The following RXFP1 variants were observed in gnomAD, a reference collection of about 807,000 sequenced individuals.
The protein encoded by RXFP1 is relaxin receptor 1.
A neutral mutation model predicts 89.8 loss-of-function variants in RXFP1; 73 were observed. The ratio of observed to expected loss-of-function variants is 0.81; its 90% CI spans 0.67 to 0.99. The LOEUF (loss-of-function observed/expected upper bound fraction) is 0.99, where lower values mean the gene tolerates loss of function less well. RXFP1 is among the 50% of genes least tolerant of loss of function. RXFP1 has a pLI of 0.00. For synonymous variants in RXFP1, 277 were observed against 305.5 expected, an observed-to-expected ratio of 0.91 and a Z score of 0.97; for missense variants, 793 against 895.5, an observed-to-expected ratio of 0.89 and a Z score of 1.46.
intron 1 of RXFP1, among the ~76,000 whole-genome samples, chr4:158,541,227 A>G (rs1438772765): frequency 6.6e-6 from 1 of 152,174 alleles, no homozygotes; most frequent in Admixed American, 6.5e-5. Context: ...TAAAGATGGA[A>G]GAAAAAATCA....
At chr4:158,580,940 G>GCTAC (rs1757233668) in intron 2 of RXFP1, among the ~76,000 whole-genome samples, 9 of 152,054 alleles carry the variant, frequency 5.9e-5, no homozygotes, top group Admixed American at 4.6e-4. Flanking sequence ...TGGTATTACA[G>GCTAC]GCACCTGCCA....
intron 1 of RXFP1, among the ~76,000 whole-genome samples, chr4:158,524,081 C>T (rs984025296): frequency 3.3e-5 from 5 of 152,180 alleles, no homozygotes; most frequent in African/African-American, 1.2e-4. Context: ...ACCCTGTCTA[C>T]CTTTCAGAAA....
chr4:158,530,966 T>C (rs9307978), intron 1 of RXFP1, among the ~76,000 whole-genome samples: 139,128 of 152,214 alleles, frequency 0.91, 64,857 homozygotes, highest in East Asian at 1. Flanking sequence ...TTTCAAAGTT[T>C]CTATGCTAGT....
At chr4:158,577,347 T>C (rs913216825) in intron 2 of RXFP1, among the ~76,000 whole-genome samples, 4 of 152,146 alleles carry the variant, frequency 2.6e-5, no homozygotes, top group Non-Finnish European at 5.9e-5. Flanking sequence ...CGGCTGTTCA[T>C]TTTTAAAACA....
chr4:158,581,623 C>A (rs1005577899), intron 2 of RXFP1, among the ~76,000 whole-genome samples: 6 of 152,074 alleles, frequency 3.9e-5, no homozygotes, highest in African/African-American at 1.4e-4. Context: ...ATTTTTATAG[C>A]AGTTTCCATT....
intron 4 of RXFP1, among the ~76,000 whole-genome samples, chr4:158,601,431 C>T (rs544133976): frequency 3.2e-4 from 48 of 152,256 alleles, no homozygotes; most frequent in Admixed American, 5.9e-4. Flanking sequence ...TGGAAATCTT[C>T]AACAGGCATT....
chr4:158,637,810 A>C (rs1580261952), intron 12 of RXFP1, among the ~76,000 whole-genome samples, 198 bp from the exon 13 acceptor site: 1 of 152,164 alleles, frequency 6.6e-6, no homozygotes, highest in East Asian at 1.9e-4. Context: ...ATCATCACCC[A>C]GGTTAATGTC....
intron 2 of RXFP1, among the ~76,000 whole-genome samples, chr4:158,591,031 C>G (rs1025721254): frequency 1.3e-5 from 2 of 152,088 alleles, no homozygotes; most frequent in African/African-American, 2.4e-5. Flanking sequence ...AGTAACTGCC[C>G]TAACTGCCAC....
chr4:158,549,826 A>G (rs1749607667), intron 1 of RXFP1, among the ~76,000 whole-genome samples: 1 of 152,184 alleles, frequency 6.6e-6, no homozygotes, highest in African/African-American at 2.4e-5. Flanking sequence ...GTCTCAGAGG[A>G]GTACCCGGCC....
chr4:158,527,561 A>AT (rs1205952345), intron 1 of RXFP1, among the ~76,000 whole-genome samples: 25 of 101,716 alleles, frequency 2.5e-4, no homozygotes, highest in African/African-American at 7.1e-4. Context: ...CCAAAAAAAA[A>AT]AAAATATATA....
chr4:158,588,644 T>C (rs1025283785), intron 2 of RXFP1, among the ~76,000 whole-genome samples: 1 of 152,168 alleles, frequency 6.6e-6, no homozygotes, highest in African/African-American at 2.4e-5. Context: ...TACATGTGAG[T>C]GGATCCCAAA....
intron 14 of RXFP1, among the ~76,000 whole-genome samples, chr4:158,640,583 A>T (rs1333626699): frequency 2.0e-5 from 3 of 151,958 alleles, no homozygotes; most frequent in Non-Finnish European, 4.4e-5. Flanking sequence ...TAGAAGGAGA[A>T]CTCACTTATT....
intron 2 of RXFP1, 62 bp downstream of exon 2, chr4:158,572,897 G>A: frequency 6.3e-7 from 1 of 1,575,092 alleles, no homozygotes; most frequent in East Asian, 2.3e-5. Flanking sequence ...AGGTGAAGTC[G>A]CTGAGACTTC....
intron 1 of RXFP1, among the ~76,000 whole-genome samples, chr4:158,556,075 CAA>C (rs1183339152): frequency 6.6e-6 from 1 of 151,818 alleles, no homozygotes; most frequent in African/African-American, 2.4e-5. Context: ...CAAAAATAGA[CAA>C]ATGGATTATA....
intron 1 of RXFP1, among the ~76,000 whole-genome samples, chr4:158,539,518 G>A (rs539872334): frequency 2.0e-5 from 3 of 151,990 alleles, no homozygotes; most frequent in African/African-American, 7.3e-5. Context: ...AACTGGAAAG[G>A]TTTGGAGATG....
At chr4:158,593,782 T>C (rs1403166150) in intron 3 of RXFP1, among the ~76,000 whole-genome samples, 1 of 152,204 alleles carries the variant, frequency 6.6e-6, no homozygotes, top group Admixed American at 6.5e-5. Flanking sequence ...TCAATGTCAG[T>C]CAAGGATGTT....
At chr4:158,629,525 T>C (rs1767605152) in intron 11 of RXFP1, among the ~76,000 whole-genome samples, 1 of 152,210 alleles carries the variant, frequency 6.6e-6, no homozygotes. Flanking sequence ...AAGTACATTG[T>C]AGTTGATTTT....
At chr4:158,646,337 C>T (rs768268455) in intron 15 of RXFP1, 11 of 485,726 alleles carry the variant, frequency 2.3e-5, no homozygotes, top group South Asian at 1.5e-4. Flanking sequence ...ATCATAGGAA[C>T]TTGTGAATTA....
chr4:158,595,544 G>A (rs1242691640), intron 3 of RXFP1, among the ~76,000 whole-genome samples: 1 of 152,014 alleles, frequency 6.6e-6, no homozygotes, highest in Non-Finnish European at 1.5e-5. Flanking sequence ...TAAAATGTAA[G>A]GATTGCCTAT....
Sources: allele counts gnomAD v4.1 joint callset (sites outside exome capture counted in the v4.1 genomes callset), GRCh38; gene constraint gnomAD v4.1.1; transcripts MANE v1.5; gene names NCBI Gene and HGNC (gene_info 2026-07-23, HGNC 2026-07-21).